CD164: variants seen among roughly 807,000 people sequenced by gnomAD.
CD164 encodes CD164 molecule.
CD164 carries 11 observed loss-of-function variants against 24.6 expected under a neutral mutation model. The ratio of observed to expected loss-of-function variants is 0.45; its 90% confidence interval spans 0.28 to 0.74. CD164 has a LOEUF of 0.74. Ranked by LOEUF, CD164 falls within the 30% of genes least tolerant of loss-of-function variation. The pLI is 0.13. For synonymous variants in CD164, 126 were observed against 100.3 expected (o/e 1.26, Z -1.53); for missense variants, 295 against 243.7 (o/e 1.21, Z -1.40).
chr6:109,375,499 C>T (rs1771341603), intron 4 of CD164, among the ~76,000 whole-genome samples: 2 of 151,722 alleles, frequency 1.3e-5, no homozygotes, highest in South Asian at 4.2e-4. Flanking sequence ...TGCCTGTAAT[C>T]CCAGCGACTC....
chr6:109,370,536 T>A, intron 4 of CD164, 69 bp from the exon 5 acceptor site: 1 of 1,350,600 alleles, frequency 7.4e-7, no homozygotes, highest in South Asian at 1.3e-5. Flanking sequence ...CTAACAGCTT[T>A]AAAAAATAAT....
chr6:109,373,236 A>T (rs917669341), intron 4 of CD164, among the ~76,000 whole-genome samples: 2 of 152,204 alleles, frequency 1.3e-5, no homozygotes, highest in Non-Finnish European at 2.9e-5. Flanking sequence ...CTTCCACTTC[A>T]TATGAACATT....
At chr6:109,373,043 G>A (rs1438543486) in intron 4 of CD164, among the ~76,000 whole-genome samples, 1 of 151,578 alleles carries the variant, frequency 6.6e-6, no homozygotes, top group East Asian at 1.9e-4. Flanking sequence ...ATTAGGAAAG[G>A]TTAAAAAAAA....
chr6:109,377,793 G>A, intron 3 of CD164, 107 bp downstream of exon 3: 2 of 780,510 alleles, frequency 2.6e-6, no homozygotes, highest in South Asian at 1.5e-5. Flanking sequence ...AACAAGATGA[G>A]AATTATGGCA....
Position 109,368,343 on chromosome 6 carries a change from G to A in CD164, c.*508C>T. Reference sequence around the variant, plus strand: ...TCTTATTTCTAATGTAGAAAAAACAGCTGTTATCAAGCACAAAATTTTAAT... The same window carrying A: ...TCTTATTTCTAATGTAGAAAAAACAACTGTTATCAAGCACAAAATTTTAAT... On this transcript the variant is annotated 3_prime_UTR_variant, in exon 6 of 6. Transcript: ENST00000310786. 6.5e-7 allele frequency: 1 copy of A among 1,532,500 alleles called. No homozygotes were observed. Among genetic ancestry groups the A allele is most frequent in the Non-Finnish European group, 8.8e-7 (1 of 1,138,370 alleles). 94.9% of individuals were successfully genotyped at this position (1,532,500 alleles called of 1,614,324 possible).
At chr6:109,379,843 G>C (rs1039929992) in intron 1 of CD164, 181 bp from the exon 2 acceptor site, 4 of 539,072 alleles carry the variant, frequency 7.4e-6, no homozygotes, top group African/African-American at 5.8e-5. Context: ...AAAGCTGTAA[G>C]TAAACGCATT....
Position 109,382,429 on chromosome 6 carries a change from G to C in CD164, c.-51C>G. 4 of 1,448,934 alleles carry C rather than the reference G, an allele frequency of 2.8e-6. No individual in the cohort carries two copies. The highest frequency in any genetic ancestry group is 2.7e-5 in the South Asian group (2 of 74,552). 89.8% of individuals were successfully genotyped at this position (1,448,934 alleles called of 1,614,324 possible). ...AGAAAGCTAAGGCTCGCAACGCTCA[G>C]TCAACCCCTCAATCCCCTGCGGCGC... On this transcript the variant is annotated 5_prime_UTR_variant, in exon 1 of 6. Transcript: ENST00000310786.
chr6:109,376,170 A>G (rs1163174225), intron 3 of CD164, 58 bp from the exon 4 acceptor site: 3 of 1,239,458 alleles, frequency 2.4e-6, no homozygotes, highest in Non-Finnish European at 3.3e-6. Flanking sequence ...AAATATCACA[A>G]TCTATAACGC....
chr6:109,368,983 T>C lies in CD164; in HGVS notation c.462A>G (p.Gln154=), dbSNP rs998226120. ...TTNNTVTPTS[Q]PVRKSTFDAA... is the part of the protein sequence containing the mutation. ...CATCAAAGGTAGACTTTCGCACAGG[T>C]TGTGAGGTTGGAGTCACAGTGTTAT... is the stretch of plus-strand genomic sequence containing the variant. The change falls in exon 6 of 6, where the codon CAA becomes CAG. Residue 154 remains glutamine (Q), a synonymous_variant. Coordinates refer to ENST00000310786, the MANE Select transcript of CD164 (RefSeq NM_006016.6). 1.2e-6 allele frequency: 2 copies of C among 1,613,650 alleles called. No individual in the cohort carries two copies. The highest frequency in any genetic ancestry group is 1.7e-6 in the Non-Finnish European group (2 of 1,179,826).
intron 3 of CD164, among the ~76,000 whole-genome samples, chr6:109,376,699 G>A (rs1308451584): frequency 1.3e-5 from 2 of 152,192 alleles, no homozygotes; most frequent in South Asian, 2.1e-4. Flanking sequence ...ATATGCAGCA[G>A]TACAAATACA....
intron 4 of CD164, among the ~76,000 whole-genome samples, chr6:109,373,124 C>T (rs774450094): frequency 6.6e-6 from 1 of 151,874 alleles, no homozygotes; most frequent in Non-Finnish European, 1.5e-5. Context: ...AAAAAAAATA[C>T]TGAATTAGTC....
In CD164 at chr6:109,379,502, T is replaced by C. The variant is rs994447800; in HGVS notation, c.259+77A>G. On this transcript the variant is annotated intron_variant, in intron 2 of 5. Transcript: ENST00000310786. ...TGCACAATATCCTAAATGTCCTACATAACTTTCAAGTGTTCAAGAATTACT... is the reference window on the plus strand; with the variant it reads ...TGCACAATATCCTAAATGTCCTACACAACTTTCAAGTGTTCAAGAATTACT... The C allele has an allele frequency of 4.0e-5, 43 of 1,080,140 alleles. No homozygotes were observed. In the Middle Eastern group the frequency reaches 8.8e-4, roughly 22 times the overall value. The allele number at this position is 1,080,140 out of a possible 1,614,324, so 66.9% of individuals were successfully genotyped here. A position where few individuals can be genotyped will look rare whatever the true frequency, so the allele number is the denominator to read the frequency against.
chr6:109,382,460 C>A lies in CD164; in HGVS notation c.-82G>T. 1 of 1,320,514 alleles carries A rather than the reference C, an allele frequency of 7.6e-7. No individual in the cohort carries two copies. The highest frequency in any genetic ancestry group is 3.0e-5 in the East Asian group (1 of 33,272). The allele number at this position is 1,320,514 out of a possible 1,614,324, so 81.8% of individuals were successfully genotyped here. A position where few individuals can be genotyped will look rare whatever the true frequency, so the allele number is the denominator to read the frequency against. On this transcript the variant is annotated 5_prime_UTR_variant, in exon 1 of 6. Transcript: ENST00000310786. The stretch of plus-strand genomic sequence containing the variant: ...CCCTCAATCCCCTGCGGCGCCGCCT[C>A]CGAGACTACGCTCCCCCGCGGGAGC...
rs754010319 is a variant in CD164, at chr6:109,382,316, C to CAGCACGCAG, written c.54_62dup (p.Cys19_Leu21dup). 5 of 1,577,646 alleles carry CAGCACGCAG rather than the reference C, an allele frequency of 3.2e-6. No homozygotes were observed. Among genetic ancestry groups the CAGCACGCAG allele is most frequent in the African/African-American group, 1.3e-5 (1 of 74,194 alleles). On this transcript the variant is annotated inframe_insertion, in exon 1 of 6. Transcript: ENST00000310786. ...GCTGGGTCGTGTTCTTGTCCGCGGA[C>CAGCACGCAG]AGCACGCAGAGCACGCCCAGGCAGG... is the stretch of plus-strand genomic sequence containing the variant.
intron 1 of CD164, chr6:109,380,425 T>C (rs2115171541): frequency 6.6e-6 from 1 of 152,332 alleles, no homozygotes; most frequent in East Asian, 1.9e-4. Flanking sequence ...TCCATTCATT[T>C]TCCTAGAAAC....
chr6:109,373,640 T>A (rs1424556203), intron 4 of CD164, among the ~76,000 whole-genome samples: 8 of 152,106 alleles, frequency 5.3e-5, no homozygotes, highest in Admixed American at 5.2e-4. Flanking sequence ...AATAAATTGT[T>A]CCCCCACTCC....
Position 109,367,450 on chromosome 6 carries a change from C to T in CD164, c.*1401G>A, listed in dbSNP as rs2115134947. ...TTAATGACCTAGAAAAGCAAAAGCC[C>T]ATTTTAAACTACTTAAAGCCTCTGC... On this transcript the variant is annotated 3_prime_UTR_variant, in exon 6 of 6. Transcript: ENST00000310786. 1 of 152,342 alleles carries T rather than the reference C, an allele frequency of 6.6e-6. No individual in the cohort carries two copies. The highest frequency in any genetic ancestry group is 2.4e-5 in the African/African-American group (1 of 41,556). The allele number at this position is 152,342 out of a possible 1,614,324, so 9.4% of individuals were successfully genotyped here.
chr6:109,380,883 T>C (rs1771697748), intron 1 of CD164, among the ~76,000 whole-genome samples: 1 of 152,264 alleles, frequency 6.6e-6, no homozygotes, highest in African/African-American at 2.4e-5. Flanking sequence ...CTTAAAATAG[T>C]GCGGTTAGAA....
chr6:109,377,991 A>T lies in CD164; in HGVS notation c.260-20T>A. 6.2e-7 allele frequency: 1 copy of T among 1,600,864 alleles called. No homozygotes were observed. Among genetic ancestry groups the T allele is most frequent in the South Asian group, 1.1e-5 (1 of 90,788 alleles). On this transcript the variant is annotated intron_variant, in intron 2 of 5. Coordinates refer to ENST00000310786, the MANE Select transcript of CD164 (RefSeq NM_006016.6). ...TCTCATCTGTTGGGGGGCAGGGGAA[A>T]AGAGACAAACAGCATCAACCACCCA...
Sources: allele counts gnomAD v4.1 joint callset (sites outside exome capture counted in the v4.1 genomes callset), GRCh38; gene constraint gnomAD v4.1.1; transcripts MANE v1.5; gene names NCBI Gene and HGNC (gene_info 2026-07-23, HGNC 2026-07-21).